REXO4: variants seen among roughly 807,000 people sequenced by gnomAD.
REXO4 encodes the protein RNA exonuclease 4.
A neutral mutation model predicts 39.9 loss-of-function variants in REXO4; 29 were observed. The ratio of observed to expected loss-of-function variants is 0.73; its 90% CI spans 0.54 to 0.99. The LOEUF is 0.99. REXO4 is among the 50% of genes least tolerant of loss of function. REXO4 has a pLI of 0.00. For missense variants in REXO4, 524 were observed against 546.5 expected, an observed-to-expected ratio of 0.96 and a Z score of 0.41; for synonymous variants, 184 against 206.2, an observed-to-expected ratio of 0.89 and a Z score of 0.92.
At position 133,417,790 on chromosome 9, in the gene REXO4, T is replaced by A. The variant is rs782052975; in HGVS notation, c.55A>T (p.Lys19Ter). ...GTGAGCGTCTTGACAGGACCCGGCT[T>A]AGCCACGGGGCTGCTCGGGGCGCGC... is the stretch of plus-strand genomic sequence containing the variant. ...SKRAPSSPVA[K>*]PGPVKTLTRK... The change falls in exon 1 of 8, where the codon AAG (lysine) becomes TAG (stop). Residue 19 changes from lysine to a stop codon, truncating the protein, a stop_gained. Coordinates refer to ENST00000371942, the MANE Select transcript of REXO4 (RefSeq NM_020385.4). LOFTEE classifies it high-confidence loss of function. 1.4e-5 allele frequency: 23 copies of A among 1,609,780 alleles called. 1 individual carries two copies. The South Asian group carries it at 2.1e-4, about 15-fold the overall frequency.
At chr9:133,411,156 C>A in intron 4 of REXO4, 83 bp from the exon 5 acceptor site, 1 of 1,110,426 alleles carries the variant, frequency 9.0e-7, no homozygotes, top group Non-Finnish European at 1.4e-6. Context: ...GCTCCTACCC[C>A]TGGTCAGACC....
At position 133,407,917 on chromosome 9, in the gene REXO4, A is replaced by T. The variant is rs782673024; in HGVS notation, c.1075-36T>A. ...GGAAGAGGCGGGTGGGGGCCTCTGC[A>T]GGCTCGGCCCAAAGAGGGTCACCCC... On this transcript the variant is annotated intron_variant, in intron 6 of 7. Coordinates refer to ENST00000371942, the MANE Select transcript of REXO4 (RefSeq NM_020385.4). 8.4e-6 allele frequency: 13 copies of T among 1,552,398 alleles called. No individual in the cohort carries two copies. In the Admixed American group the frequency reaches 2.2e-4, roughly 26 times the overall value.
At position 133,412,423 on chromosome 9, in the gene REXO4, G is replaced by A. The variant is rs376343918; in HGVS notation, c.786C>T (p.Ala262=). The A allele has an allele frequency of 2.0e-5, 33 of 1,613,972 alleles. No homozygotes were observed. The highest frequency in any genetic ancestry group is 4.5e-5 in the East Asian group (2 of 44,892). ...GVGPKGEESM[A]ARVSIVNQYG... Reference sequence around the variant, plus strand: ...ACTGGTTCACGATGGACACACGGGCGGCCATGCTCTCCTCCCCCTTAGGGC... The same window carrying A: ...ACTGGTTCACGATGGACACACGGGCAGCCATGCTCTCCTCCCCCTTAGGGC... Residue 262 remains alanine, a synonymous_variant, in exon 4 of 8, where the codon GCC becomes GCT. Transcript: ENST00000371942.
intron 4 of REXO4, among the ~76,000 whole-genome samples, chr9:133,411,945 T>C (rs1839236996): frequency 6.6e-6 from 1 of 152,054 alleles, no homozygotes; most frequent in Admixed American, 6.6e-5. Context: ...ATAATAATTT[T>C]TTTTAGAAAT....
At chr9:133,417,568 T>C (rs1422031649) in intron 1 of REXO4, 52 bp downstream of exon 1, 6 of 1,578,454 alleles carry the variant, frequency 3.8e-6, no homozygotes, top group Middle Eastern at 1.7e-4. Context: ...CTCCGTCGCG[T>C]TCTGCGGGAA....
Position 133,417,887 on chromosome 9 carries a change from C to T in REXO4, c.-43G>A, listed in dbSNP as rs1554782101. 1.3e-6 allele frequency: 2 copies of T among 1,568,820 alleles called. No individual in the cohort carries two copies. The highest frequency in any genetic ancestry group is 2.3e-5 in the East Asian group (1 of 44,424). On this transcript the variant is annotated 5_prime_UTR_variant, in exon 1 of 8. Coordinates refer to ENST00000371942, the MANE Select transcript of REXO4 (RefSeq NM_020385.4). ...CCTGGGCCGGCGGCCACCCGAGACC[C>T]CGGCCTCCCCGGGCCCGGCGCCCTG...
At position 133,412,320 on chromosome 9, in the gene REXO4, G is replaced by A. The variant is rs762447422; in HGVS notation, c.889C>T (p.Arg297Trp). The A allele has an allele frequency of 2.9e-5, 47 of 1,613,740 alleles. No homozygotes were observed. Among genetic ancestry groups the A allele is most frequent in the Non-Finnish European group, 3.5e-5 (41 of 1,180,016 alleles). Residue 297 changes from arginine to tryptophan, a missense_variant, in exon 4 of 8, where the codon CGG becomes TGG. Physicochemically the swap from Arg to Trp is moderately radical, Grantham distance 101. Transcript: ENST00000371942. ...ATACCCTGCTTGAGGTTCTCAGGCC[G>A]AATCCCACTGACCGCTGTCCTATAG... ...TDYRTAVSGI[R>W]PENLKQGEEL... is the part of the protein sequence containing the mutation.
rs1377118812 is a variant in REXO4, at chr9:133,417,994, C to T, written c.-150G>A. On this transcript the variant is annotated 5_prime_UTR_variant, in exon 1 of 8. Transcript: ENST00000371942. ...CCAGGAAAAGACTCCGGAAGAGACCCCGCACGCGTTGCGCATACCTCAGCA... is the reference window on the plus strand; with the variant it reads ...CCAGGAAAAGACTCCGGAAGAGACCTCGCACGCGTTGCGCATACCTCAGCA... 6 of 699,084 alleles carry T rather than the reference C, an allele frequency of 8.6e-6. No homozygotes were observed. The highest frequency in any genetic ancestry group is 1.4e-5 in the Non-Finnish European group (6 of 427,656). The allele number at this position is 699,084 out of a possible 1,614,324, so 43.3% of individuals were successfully genotyped here.
At position 133,406,721 on chromosome 9, in the gene REXO4, C is replaced by T; in HGVS notation, c.*232G>A. The T allele has an allele frequency of 1.6e-6, 1 of 610,446 alleles. No homozygotes were observed. Among genetic ancestry groups the T allele is most frequent in the Non-Finnish European group, 2.8e-6 (1 of 359,768 alleles). 37.8% of individuals were successfully genotyped at this position (610,446 alleles called of 1,614,324 possible). On this transcript the variant is annotated 3_prime_UTR_variant, in exon 8 of 8. Transcript: ENST00000371942. ...GTGGCCAGGCGTGCCCATGGCCGTCCCTGCTCCCCACCCTGACCATCCGGG... is the reference window on the plus strand; with the variant it reads ...GTGGCCAGGCGTGCCCATGGCCGTCTCTGCTCCCCACCCTGACCATCCGGG...
At chr9:133,410,088 G>A (rs1280638767) in intron 5 of REXO4, among the ~76,000 whole-genome samples, 1 of 152,164 alleles carries the variant, frequency 6.6e-6, no homozygotes, top group Admixed American at 6.5e-5. Flanking sequence ...ATGGATTCAA[G>A]GGATCTCTAC....
At chr9:133,407,927 C>CA in intron 6 of REXO4, 46 bp from the exon 7 acceptor site, 1 of 1,469,614 alleles carries the variant, frequency 6.8e-7, no homozygotes, top group Non-Finnish European at 9.5e-7. Context: ...AGGCTCGGCC[C>CA]AAAGAGGGTC....
intron 2 of REXO4, 29 bp from the exon 3 acceptor site, chr9:133,412,950 C>T (rs1839311098): frequency 6.2e-7 from 1 of 1,609,416 alleles, no homozygotes; most frequent in African/African-American, 1.3e-5. Flanking sequence ...AGGCTGATCA[C>T]CAGAAGACCC....
At chr9:133,407,106 G>T in intron 7 of REXO4, 34 bp from the exon 8 acceptor site, 1 of 1,609,790 alleles carries the variant, frequency 6.2e-7, no homozygotes, top group South Asian at 1.1e-5. Flanking sequence ...CAGGTGACGA[G>T]GCATAGCCGC....
At position 133,406,644 on chromosome 9, in the gene REXO4, G is replaced by A. The variant is rs1054171216; in HGVS notation, c.*309C>T. On this transcript the variant is annotated 3_prime_UTR_variant, in exon 8 of 8. Transcript: ENST00000371942. ...CAGTGACAGCACCGTATGGACTGGC[G>A]GCCCACAGGCCCCAACCTCACCTGG... The A allele has an allele frequency of 8.4e-5, 34 of 403,954 alleles. No individual in the cohort carries two copies. The highest frequency in any genetic ancestry group is 5.3e-4 in the African/African-American group (26 of 49,472). The allele number at this position is 403,954 out of a possible 1,614,324, so 25.0% of individuals were successfully genotyped here.
intron 2 of REXO4, among the ~76,000 whole-genome samples, chr9:133,413,659 G>A (rs1214057813): frequency 1.3e-5 from 2 of 152,180 alleles, no homozygotes; most frequent in East Asian, 3.8e-4. Flanking sequence ...CCTGCCTGGG[G>A]AATCTGTCTC....
Position 133,417,928 on chromosome 9 carries a change from G to A in REXO4, c.-84C>T. The A allele has an allele frequency of 6.0e-6, 8 of 1,341,830 alleles. No homozygotes were observed. Among genetic ancestry groups the A allele is most frequent in the Non-Finnish European group, 7.0e-6 (7 of 996,152 alleles). 83.1% of individuals were successfully genotyped at this position (1,341,830 alleles called of 1,614,324 possible). On this transcript the variant is annotated 5_prime_UTR_variant, in exon 1 of 8. Coordinates refer to ENST00000371942, the MANE Select transcript of REXO4 (RefSeq NM_020385.4). The stretch of plus-strand genomic sequence containing the variant: ...CGGCGCCCTGGCAGCACAAGCGCCT[G>A]CCCAGGCCAGGCCGAAACACACCCA...
At chr9:133,417,343 C>T (rs1839700079) in intron 1 of REXO4, among the ~76,000 whole-genome samples, 1 of 152,220 alleles carries the variant, frequency 6.6e-6, no homozygotes, top group Non-Finnish European at 1.5e-5. Context: ...AGCTAAATTT[C>T]TCTTTGTAAA....
In REXO4 at chr9:133,407,893, G is replaced by T. The variant is rs782781263; in HGVS notation, c.1075-12C>A. The T allele has an allele frequency of 5.6e-6, 9 of 1,611,294 alleles. No homozygotes were observed. The highest frequency in any genetic ancestry group is 7.6e-6 in the Non-Finnish European group (9 of 1,178,312). ...GACGGCCTTCCACTCTGCAAAGGGG[G>T]AAGAGGCGGGTGGGGGCCTCTGCAG... is the stretch of plus-strand genomic sequence containing the variant. On this transcript the variant is annotated splice_polypyrimidine_tract_variant and intron_variant, in intron 6 of 7. Transcript: ENST00000371942.
At chr9:133,410,652 T>C (rs947684375) in intron 5 of REXO4, among the ~76,000 whole-genome samples, 1 of 152,250 alleles carries the variant, frequency 6.6e-6, no homozygotes, top group Non-Finnish European at 1.5e-5. Flanking sequence ...ACTTGTTTCC[T>C]GTGGAGGGAC....
Sources: allele counts gnomAD v4.1 joint callset (sites outside exome capture counted in the v4.1 genomes callset), GRCh38; gene constraint gnomAD v4.1.1; transcripts MANE v1.5; gene names NCBI Gene and HGNC (gene_info 2026-07-23, HGNC 2026-07-21).